SLCO5A1: variants seen among roughly 807,000 people sequenced by gnomAD.
SLCO5A1 encodes solute carrier organic anion transporter family member 5A1.
Under a neutral mutation model 65.1 loss-of-function variants are expected in SLCO5A1, and 39 were observed. The ratio of observed to expected loss-of-function variants is 0.60; its 90% confidence interval spans 0.46 to 0.78. The LOEUF is 0.78. SLCO5A1 is among the 30% of genes least tolerant of loss of function. The pLI, the probability that SLCO5A1 is intolerant of heterozygous loss-of-function variation, is 0.00. For missense variants in SLCO5A1, 1,029 were observed against 1,069.4 expected, an observed-to-expected ratio of 0.96 and a Z score of 0.53; for synonymous variants, 438 against 415.7, an observed-to-expected ratio of 1.05 and a Z score of -0.65.
intron 4 of SLCO5A1, among the ~76,000 whole-genome samples, chr8:69,748,731 G>A (rs189236075): frequency 5.3e-5 from 8 of 152,246 alleles, no homozygotes; most frequent in Non-Finnish European, 1.0e-4. Context: ...TGGAGCTGTG[G>A]TTTTCACAGT....
At chr8:69,829,928 C>A (rs1285284583) in intron 2 of SLCO5A1, among the ~76,000 whole-genome samples, 1 of 152,104 alleles carries the variant, frequency 6.6e-6, no homozygotes, top group Non-Finnish European at 1.5e-5. Context: ...GTTGATAAAG[C>A]AAGCATGACA....
Position 69,796,248 on chromosome 8 carries a change from G to GT in SLCO5A1, c.908-34374dup, listed in dbSNP as rs540338937. Among the ~76,000 whole-genome samples the GT allele has an allele frequency of 2.9e-3, 428 of 145,292 alleles. 1 individual carries two copies. Among genetic ancestry groups the GT allele is most frequent in the South Asian group, 0.012 (57 of 4,590 alleles). On this transcript the variant is annotated intron_variant, in intron 2 of 9. Coordinates refer to ENST00000260126, the MANE Select transcript of SLCO5A1 (RefSeq NM_030958.3). ...ATTCCTCCCTAGAAAATGAGAGTTG[G>GT]TTTTTTTTTTTTCCTACCTCATGGC...
At chr8:69,740,328 A>G (rs1314388379) in intron 4 of SLCO5A1, among the ~76,000 whole-genome samples, 1 of 152,218 alleles carries the variant, frequency 6.6e-6, no homozygotes, top group East Asian at 1.9e-4. Context: ...AAGGAGACTT[A>G]GAAAGTTATA....
chr8:69,816,430 A>G (rs1266463091), intron 2 of SLCO5A1, among the ~76,000 whole-genome samples: 2 of 152,160 alleles, frequency 1.3e-5, no homozygotes, highest in African/African-American at 2.4e-5. Context: ...AAAATTGCCA[A>G]TGGTAGTTGA....
intron 2 of SLCO5A1, among the ~76,000 whole-genome samples, chr8:69,783,382 T>A (rs1818883760): frequency 1.3e-5 from 2 of 152,112 alleles, no homozygotes. Context: ...CTCTATTGTG[T>A]GCTTATTTCA....
intron 6 of SLCO5A1, 72 bp from the exon 7 acceptor site, chr8:69,682,415 A>C (rs562076180): frequency 7.3e-7 from 1 of 1,367,446 alleles, no homozygotes; most frequent in East Asian, 2.7e-5. Flanking sequence ...TCTTGAAATT[A>C]ATAATTTGTC....
intron 2 of SLCO5A1, among the ~76,000 whole-genome samples, chr8:69,823,659 T>A (rs1820747424): frequency 6.6e-6 from 1 of 151,972 alleles, no homozygotes; most frequent in African/African-American, 2.4e-5. Flanking sequence ...AGACTTAGAC[T>A]CCCACACAAT....
intron 5 of SLCO5A1, among the ~76,000 whole-genome samples, chr8:69,708,661 T>A (rs554532611): frequency 6.6e-6 from 1 of 152,054 alleles, no homozygotes; most frequent in Admixed American, 6.5e-5. Context: ...CCCAGCACTT[T>A]GGGAGGCCGA....
intron 2 of SLCO5A1, among the ~76,000 whole-genome samples, chr8:69,782,828 T>A (rs943428704): frequency 2.6e-5 from 4 of 152,174 alleles, no homozygotes; most frequent in African/African-American, 9.7e-5. Context: ...CATTTTGTTT[T>A]AAAAATTTTT....
chr8:69,707,196 G>T (rs1490185622), intron 5 of SLCO5A1, among the ~76,000 whole-genome samples: 1 of 151,994 alleles, frequency 6.6e-6, no homozygotes, highest in Non-Finnish European at 1.5e-5. Context: ...CTGCCCCCAA[G>T]AACCTTACAA....
chr8:69,726,499 T>TCC (rs1816082371), intron 5 of SLCO5A1, among the ~76,000 whole-genome samples: 1 of 145,178 alleles, frequency 6.9e-6, no homozygotes, highest in African/African-American at 2.6e-5. Flanking sequence ...CTACCTCCTT[T>TCC]TTTTTTTTTT....
At chr8:69,806,550 A>G (rs17731173) in intron 2 of SLCO5A1, among the ~76,000 whole-genome samples, 3 of 152,080 alleles carry the variant, frequency 2.0e-5, no homozygotes, top group East Asian at 1.9e-4. Context: ...GCCTAAATTA[A>G]CAAGATGAAC....
intron 2 of SLCO5A1, among the ~76,000 whole-genome samples, chr8:69,825,598 A>T (rs2130924717): frequency 6.6e-6 from 1 of 152,282 alleles, no homozygotes; most frequent in African/African-American, 2.4e-5. Context: ...CTTCAAGGAG[A>T]ACTACAAACC....
chr8:69,810,151 A>G (rs926257317), intron 2 of SLCO5A1, among the ~76,000 whole-genome samples: 1 of 152,164 alleles, frequency 6.6e-6, no homozygotes, highest in Admixed American at 6.5e-5. Flanking sequence ...TTGAGGAGGC[A>G]CCGCATTTAG....
In SLCO5A1 at chr8:69,682,262, T is replaced by G; in HGVS notation, c.1704A>C (p.Pro568=). The stretch of plus-strand genomic sequence containing the variant: ...ATGTAATTCCATCTGATCCACAGAC[T>G]GGCTCATACTCGTGTATTTTACAAC... The part of the protein sequence containing the change: ...NCGCKIHEYE[P]VCGSDGITYF... The change falls in exon 7 of 10, where the codon CCA becomes CCC. Residue 568 remains proline (P), a synonymous_variant. Coordinates refer to ENST00000260126, the MANE Select transcript of SLCO5A1 (RefSeq NM_030958.3). The G allele has an allele frequency of 6.2e-7, 1 of 1,612,958 alleles. No homozygotes were observed.
At chr8:69,811,561 C>A (rs1184901463) in intron 2 of SLCO5A1, among the ~76,000 whole-genome samples, 1 of 152,130 alleles carries the variant, frequency 6.6e-6, no homozygotes, top group Non-Finnish European at 1.5e-5. Context: ...GGCTCAGGGT[C>A]AACCAAATAC....
At chr8:69,753,695 C>T (rs893074955) in intron 4 of SLCO5A1, among the ~76,000 whole-genome samples, 18 of 152,164 alleles carry the variant, frequency 1.2e-4, no homozygotes, top group African/African-American at 4.3e-4. Context: ...TTTGAGTCTA[C>T]TTTATAGTCT....
At chr8:69,824,330 A>G (rs1256531709) in intron 2 of SLCO5A1, among the ~76,000 whole-genome samples, 2 of 152,210 alleles carry the variant, frequency 1.3e-5, no homozygotes, top group African/African-American at 4.8e-5. Context: ...AAATTAATGA[A>G]TCCAGGAGCT....
At chr8:69,733,519 G>T (rs11787006) in intron 5 of SLCO5A1, among the ~76,000 whole-genome samples, 8 of 152,052 alleles carry the variant, frequency 5.3e-5, no homozygotes, top group African/African-American at 9.7e-5. Flanking sequence ...TGCTCCTTCA[G>T]GGTTGATACG....
Sources: gnomAD v4.1 joint callset for allele counts (sites outside exome capture counted in the v4.1 genomes callset) on GRCh38, gnomAD v4.1.1 for gene constraint, MANE v1.5 for transcripts, NCBI Gene and HGNC (gene_info 2026-07-23, HGNC 2026-07-21) for gene names.